The following NDUFAF5 variants were observed in gnomAD, a reference collection of about 807,000 sequenced individuals.
The protein encoded by NDUFAF5 is NADH:ubiquinone oxidoreductase complex assembly factor 5.
NDUFAF5 carries 34 observed loss-of-function variants against 48.9 expected under a neutral mutation model. The ratio of observed to expected loss-of-function variants is 0.70; its 90% CI spans 0.53 to 0.93. NDUFAF5 has a LOEUF of 0.93. Among genes scored for constraint, NDUFAF5 ranks in the 40% least tolerant of loss-of-function variants. NDUFAF5 has a pLI of 0.00. For missense variants in NDUFAF5, 428 were observed against 427.5 expected (o/e 1.00, Z -0.01); for synonymous variants, 153 against 150.6 (o/e 1.02, Z -0.12).
chr20:13,809,058 T>C, intron 8 of NDUFAF5, 156 bp downstream of exon 8: 1 of 645,784 alleles, frequency 1.5e-6, no homozygotes, highest in South Asian at 1.8e-5. Flanking sequence ...GAAAGCAGAC[T>C]GTCTTCATGG....
chr20:13,789,911 A>G (rs1220736766), intron 3 of NDUFAF5, among the ~76,000 whole-genome samples: 1 of 152,202 alleles, frequency 6.6e-6, no homozygotes, highest in Non-Finnish European at 1.5e-5. Context: ...TGCAGTCATT[A>G]AAGTGCAACA....
At chr20:13,785,719 G>A (rs1302387384) in intron 1 of NDUFAF5, among the ~76,000 whole-genome samples, 1 of 152,160 alleles carries the variant, frequency 6.6e-6, no homozygotes, top group South Asian at 2.1e-4. Context: ...ATTGAGATGT[G>A]TTGTAAAATA....
intron 8 of NDUFAF5, chr20:13,814,544 C>T (rs770835950): frequency 2.0e-5 from 22 of 1,104,386 alleles, no homozygotes; most frequent in Non-Finnish European, 2.7e-5. Flanking sequence ...TTAAACAATA[C>T]TCAGTATTGT....
At chr20:13,814,426 T>A in intron 8 of NDUFAF5, 2 of 1,287,072 alleles carry the variant, frequency 1.6e-6, no homozygotes, top group Non-Finnish European at 2.0e-6. Flanking sequence ...AGAACAAAAG[T>A]CCAGAATGTT....
At chr20:13,797,377 G>A (rs1332698762) in intron 5 of NDUFAF5, among the ~76,000 whole-genome samples, 2 of 152,174 alleles carry the variant, frequency 1.3e-5, no homozygotes, top group African/African-American at 4.8e-5. Flanking sequence ...GATAAACTTT[G>A]TTGTATCCAA....
Position 13,785,421 on chromosome 20 carries a change from C to T in NDUFAF5, c.222+131C>T, listed in dbSNP as rs1230129050. 66 of 725,622 alleles carry T rather than the reference C, an allele frequency of 9.1e-5. 1 individual carries two copies. In the Admixed American group the frequency reaches 1.3e-3, roughly 14 times the overall value. The allele number at this position is 725,622 out of a possible 1,614,324, so 44.9% of individuals were successfully genotyped here. ...CCTTGACCAGCAGCCCTGCCTCTTT[C>T]GGCCTCTACTGTAATCACGCAAGGC... On this transcript the variant is annotated intron_variant, in intron 1 of 10. Coordinates refer to ENST00000378106, the MANE Select transcript of NDUFAF5 (RefSeq NM_024120.5).
chr20:13,801,128 A>G (rs539809989), intron 6 of NDUFAF5, among the ~76,000 whole-genome samples: 1 of 152,324 alleles, frequency 6.6e-6, no homozygotes, highest in African/African-American at 2.4e-5. Flanking sequence ...TTCAGAGGCC[A>G]TAGATGCAGG....
intron 7 of NDUFAF5, among the ~76,000 whole-genome samples, chr20:13,807,091 G>A (rs971835425): frequency 8.6e-5 from 13 of 151,592 alleles, no homozygotes; most frequent in Non-Finnish European, 1.3e-4. Flanking sequence ...CTTTCACCCA[G>A]GTTGGAGTGC....
intron 7 of NDUFAF5, among the ~76,000 whole-genome samples, chr20:13,807,507 T>C (rs1600376016): frequency 2.6e-5 from 4 of 152,292 alleles, no homozygotes; most frequent in African/African-American, 9.6e-5. Context: ...CTTTTTTTTT[T>C]CCAGTCAATA....
At chr20:13,814,626 A>G (rs1402175488) in intron 8 of NDUFAF5, 1 of 492,870 alleles carries the variant, frequency 2.0e-6, no homozygotes, top group Non-Finnish European at 3.5e-6. Context: ...ACACTGTGAG[A>G]GTCTTAAACA....
At chr20:13,803,126 T>G (rs1984462657) in intron 7 of NDUFAF5, 1 of 152,216 alleles carries the variant, frequency 6.6e-6, no homozygotes, top group Non-Finnish European at 1.5e-5. Flanking sequence ...ATAGATTGTG[T>G]CATATCCTTC....
At chr20:13,788,023 G>A (rs576244010) in intron 2 of NDUFAF5, among the ~76,000 whole-genome samples, 1 of 152,266 alleles carries the variant, frequency 6.6e-6, no homozygotes, top group African/African-American at 2.4e-5. Flanking sequence ...CCGAATTCAA[G>A]TGTTGACTGC....
In NDUFAF5 at chr20:13,787,328, C is replaced by T. The variant is rs764903300; in HGVS notation, c.239C>T (p.Ala80Val). 15 of 1,614,082 alleles carry T rather than the reference C, an allele frequency of 9.3e-6. 1 individual carries two copies. The South Asian group carries it at 1.6e-4, about 18-fold the overall frequency. Residue 80 changes from alanine to valine, a missense_variant, in exon 2 of 11, where the codon GCA becomes GTA. Coordinates refer to ENST00000378106, the MANE Select transcript of NDUFAF5 (RefSeq NM_024120.5). ...ATCCTTCAGGTTGGAAGTCGGATCG[C>T]AGACCGTGTATATGACATACCCAGG... ...YLKEEVGSRI[A>V]DRVYDIPRNF...
At position 13,817,826 on chromosome 20, in the gene NDUFAF5, C is replaced by T. The variant is rs888069663; in HGVS notation, c.*616C>T. 2.0e-5 allele frequency: 9 copies of T among 453,316 alleles called. No individual in the cohort carries two copies. The highest frequency in any genetic ancestry group is 1.2e-4 in the South Asian group (8 of 64,424). The allele number at this position is 453,316 out of a possible 1,614,324, so 28.1% of individuals were successfully genotyped here. A position where few individuals can be genotyped will look rare whatever the true frequency, so the allele number is the denominator to read the frequency against. ...GCACAGTCATCAGTTTATTGTTAAG[C>T]TTTCCTTTGTAATTTCAGGGCTTAA... On this transcript the variant is annotated 3_prime_UTR_variant, in exon 11 of 11. Coordinates refer to ENST00000378106, the MANE Select transcript of NDUFAF5 (RefSeq NM_024120.5).
intron 3 of NDUFAF5, among the ~76,000 whole-genome samples, chr20:13,789,264 G>C (rs1441541343): frequency 2.0e-5 from 3 of 151,242 alleles, no homozygotes; most frequent in Non-Finnish European, 4.4e-5. Flanking sequence ...TCCCGGGTTT[G>C]AACGATTCTC....
At chr20:13,794,284 TTC>T in intron 4 of NDUFAF5, among the ~76,000 whole-genome samples, 1 of 152,098 alleles carries the variant, frequency 6.6e-6, no homozygotes, top group South Asian at 2.1e-4. Context: ...GCCTTCTTTT[TTC>T]TTTTTTTTTT....
At chr20:13,803,183 G>C (rs1248803311) in intron 7 of NDUFAF5, 2 of 152,244 alleles carry the variant, frequency 1.3e-5, no homozygotes, top group African/African-American at 4.8e-5. Context: ...GGCCCCTGAT[G>C]TTGGAAAGGA....
intron 2 of NDUFAF5, 107 bp from the exon 3 acceptor site, chr20:13,788,482 C>T: frequency 1.2e-6 from 1 of 840,310 alleles, no homozygotes; most frequent in Non-Finnish European, 2.0e-6. Context: ...GATGATGTAA[C>T]CTTCTGGAAG....
At chr20:13,805,512 G>T (rs933734384) in intron 7 of NDUFAF5, among the ~76,000 whole-genome samples, 1 of 152,066 alleles carries the variant, frequency 6.6e-6, no homozygotes, top group African/African-American at 2.4e-5. Context: ...AAAAATATTG[G>T]TGTAGAATCT....
Sources: gnomAD v4.1 joint callset for allele counts (sites outside exome capture counted in the v4.1 genomes callset) on GRCh38, gnomAD v4.1.1 for gene constraint, MANE v1.5 for transcripts, NCBI Gene and HGNC (gene_info 2026-07-23, HGNC 2026-07-21) for gene names.